NEK5: variants seen among roughly 807,000 people sequenced by gnomAD.
NEK5 encodes the protein NIMA related kinase 5.
Under a neutral mutation model 109.2 loss-of-function variants are expected in NEK5, and 88 were observed. That is an observed-to-expected ratio of 0.81 (90% CI 0.68 to 0.96). NEK5 has a LOEUF of 0.96. Among genes scored for constraint, NEK5 ranks in the 40% least tolerant of loss-of-function variants. NEK5 has a pLI of 0.00. For synonymous variants in NEK5, 283 were observed against 299.9 expected (o/e 0.94, Z 0.58); for missense variants, 834 against 920.7 (o/e 0.91, Z 1.22).
In NEK5 at chr13:52,087,430, G is replaced by T. The variant is rs1249480007; in HGVS notation, c.1300C>A (p.Pro434Thr). 6.8e-6 allele frequency: 11 copies of T among 1,605,956 alleles called. No individual in the cohort carries two copies. The highest frequency in any genetic ancestry group is 8.5e-6 in the Non-Finnish European group (10 of 1,173,824). ...QLGLRPSSAE[P>T]NYNQRQELRS... Reference sequence around the variant, plus strand: ...AGCTCTTGTCTCTGGTTGTAATTTGGCTCGGCAGAAGATGGACGAAGACCC... The same window carrying T: ...AGCTCTTGTCTCTGGTTGTAATTTGTCTCGGCAGAAGATGGACGAAGACCC... Residue 434 changes from proline to threonine, a missense_variant, in exon 15 of 24, where the codon CCA becomes ACA. Physicochemically the swap from Pro to Thr is conservative, Grantham distance 38. This residue lies in a region of NEK5 where 777 missense variants were observed against 824.7 expected (regional missense o/e 0.94). Transcript: ENST00000684899.
chr13:52,089,093 A>AAACAACTACAAC (rs1955217862), intron 14 of NEK5, among the ~76,000 whole-genome samples, 154 bp downstream of exon 14: 1 of 150,918 alleles, frequency 6.6e-6, no homozygotes, highest in Non-Finnish European at 1.5e-5. Flanking sequence ...CTGTCTCAGA[A>AAACAACTACAAC]AACAACAACA....
intron 3 of NEK5, among the ~76,000 whole-genome samples, chr13:52,121,389 G>C (rs1955966999): frequency 6.6e-6 from 1 of 151,928 alleles, no homozygotes; most frequent in Non-Finnish European, 1.5e-5. Flanking sequence ...CGAACTCCTG[G>C]CCTCAAGTGA....
At chr13:52,094,648 G>T in intron 12 of NEK5, among the ~76,000 whole-genome samples, 1 of 152,258 alleles carries the variant, frequency 6.6e-6, no homozygotes, top group South Asian at 2.1e-4. Context: ...TTAGCTGGGC[G>T]TGATGGCGGG....
At chr13:52,061,768 T>G (rs1954616176) in intron 22 of NEK5, 51 bp downstream of exon 22, 3 of 855,214 alleles carry the variant, frequency 3.5e-6, no homozygotes, top group Admixed American at 1.2e-4. Flanking sequence ...TTGCAAGTCT[T>G]GACAAAATTC....
intron 17 of NEK5, among the ~76,000 whole-genome samples, chr13:52,079,895 A>AGC (rs1202009053): frequency 6.8e-6 from 1 of 146,648 alleles, no homozygotes; most frequent in East Asian, 2.0e-4. Flanking sequence ...AGATGTGGGG[A>AGC]GCGCCTTTGC....
intron 21 of NEK5, among the ~76,000 whole-genome samples, chr13:52,063,094 C>G (rs1055533003): frequency 6.6e-6 from 1 of 152,040 alleles, no homozygotes; most frequent in Non-Finnish European, 1.5e-5. Context: ...CCCTCTCCCT[C>G]TCTTTCCACG....
At chr13:52,113,230 TAAAGA>T (rs1281308569) in intron 4 of NEK5, among the ~76,000 whole-genome samples, 1 of 152,092 alleles carries the variant, frequency 6.6e-6, no homozygotes, top group Non-Finnish European at 1.5e-5. Flanking sequence ...TGCTCCACAT[TAAAGA>T]AAAGAGACTA....
intron 22 of NEK5, among the ~76,000 whole-genome samples, chr13:52,054,435 C>A (rs1258046079): frequency 6.6e-6 from 1 of 152,242 alleles, no homozygotes; most frequent in Non-Finnish European, 1.5e-5. Flanking sequence ...ATCCTCCTGC[C>A]TCAGCCTCCC....
intron 4 of NEK5, among the ~76,000 whole-genome samples, chr13:52,118,819 GCACA>G (rs1022949722): frequency 3.3e-5 from 5 of 151,896 alleles, no homozygotes; most frequent in African/African-American, 1.2e-4. Flanking sequence ...GTACCCCCCA[GCACA>G]CACACACAAA....
intron 1 of NEK5, among the ~76,000 whole-genome samples, chr13:52,127,883 T>G (rs1956098648): frequency 2.0e-5 from 3 of 152,224 alleles, no homozygotes; most frequent in Admixed American, 6.5e-5. Flanking sequence ...CTTAGGCTTG[T>G]GCACTTTTAT....
At chr13:52,076,177 T>C (rs1444720156) in intron 17 of NEK5, 34 bp from the exon 18 acceptor site, 2 of 1,204,664 alleles carry the variant, frequency 1.7e-6, no homozygotes, top group East Asian at 2.4e-5. Context: ...ATTCTCTCAC[T>C]GTATGTTTAC....
chr13:52,041,771 A>G (rs1292182521), intron 23 of NEK5, among the ~76,000 whole-genome samples: 1 of 151,058 alleles, frequency 6.6e-6, no homozygotes, highest in Non-Finnish European at 1.5e-5. Context: ...GGAAAGGAAC[A>G]AAGAAGAGAA....
At chr13:52,076,195 G>A in intron 17 of NEK5, 52 bp from the exon 18 acceptor site, 1 of 951,504 alleles carries the variant, frequency 1.1e-6, no homozygotes, top group Non-Finnish European at 1.6e-6. Context: ...TACATGAGTT[G>A]ATTTCTGCGT....
rs1411723836 is a variant in NEK5 at position 52,083,285 on chromosome 13, G to A, written c.1547C>T (p.Ala516Val). The change falls in exon 17 of 24, where the codon GCA becomes GTA. Residue 516 changes from alanine to valine, a missense_variant. Physicochemically the swap from Ala to Val is moderately conservative, Grantham distance 64. Coordinates refer to ENST00000684899, the MANE Select transcript of NEK5 (RefSeq NM_001365552.1). The part of the protein sequence containing the change: ...KKSNLPVHQD[A>V]SEGEAPVQDI... ...CTGCACAGGTGCTTCTCCCTCAGAT[G>A]CATCTTGATGGACAGGCAGGTTACT... 10 of 1,612,270 alleles carry A rather than the reference G, an allele frequency of 6.2e-6. No individual in the cohort carries two copies. Among genetic ancestry groups the A allele is most frequent in the South Asian group, 2.2e-5 (2 of 91,052 alleles).
At position 52,119,155 on chromosome 13, in the gene NEK5, A is replaced by G. The variant is rs571179102; in HGVS notation, c.214+164T>C. On this transcript the variant is annotated intron_variant, in intron 4 of 23. Transcript: ENST00000684899. ...AGAAAGCCGTCTACAAAAACTTACT[A>G]GAGAGGAAATAACGAGGACGTCTCA... Among the ~76,000 whole-genome samples the G allele has an allele frequency of 2.0e-5, 3 of 152,326 alleles. No individual in the cohort carries two copies. In the East Asian group the frequency reaches 5.8e-4, roughly 29 times the overall value.
chr13:52,034,211 AAC>A lies in NEK5; in HGVS notation c.*2735_*2736del, dbSNP rs1954336290. The A allele has an allele frequency of 6.6e-6, 1 of 152,228 alleles. No homozygotes were observed. The highest frequency in any genetic ancestry group is 2.1e-4 in the South Asian group (1 of 4,832). The allele number at this position is 152,228 out of a possible 1,614,324, so 9.4% of individuals were successfully genotyped here. A position where few individuals can be genotyped will look rare whatever the true frequency, so the allele number is the denominator to read the frequency against. On this transcript the variant is annotated 3_prime_UTR_variant, in exon 24 of 24. Transcript: ENST00000684899. ...ATTTTTAATGCATACAGGTCTGGTG[AAC>A]AGTTTCAATTTAACGGATGAGGCCA...
In NEK5 at chr13:52,083,350, C is replaced by A. The variant is rs1955054026; in HGVS notation, c.1482G>T (p.Glu494Asp). ...IRKKMGREPE[E>D]NSKISHKTYL... ...AGGTTTTATGACTTATTTTTGAGTT[C>A]TCCTTTAACACAAATTATACACAGT... The change falls in exon 17 of 24, where the codon GAG (glutamate) becomes GAT (aspartate). Residue 494 changes from glutamate (E) to aspartate (D), a missense_variant and splice_region_variant. Glu to Asp is a conservative substitution (Grantham distance 45). This residue lies in a region of NEK5 where 777 missense variants were observed against 824.7 expected (regional missense o/e 0.94). Coordinates refer to ENST00000684899, the MANE Select transcript of NEK5 (RefSeq NM_001365552.1). The A allele has an allele frequency of 2.5e-6, 4 of 1,595,704 alleles. No homozygotes were observed. The highest frequency in any genetic ancestry group is 1.3e-5 in the African/African-American group (1 of 74,646).
chr13:52,094,652 T>C (rs766760810), intron 12 of NEK5, among the ~76,000 whole-genome samples: 5 of 152,134 alleles, frequency 3.3e-5, no homozygotes, highest in African/African-American at 1.2e-4. Flanking sequence ...CTGGGCGTGA[T>C]GGCGGGTGCC....
chr13:52,091,849 A>G (rs779148143), intron 13 of NEK5, among the ~76,000 whole-genome samples: 13 of 152,218 alleles, frequency 8.5e-5, no homozygotes, highest in Non-Finnish European at 1.6e-4. Flanking sequence ...CAATTTAAGA[A>G]TACTATTTTC....
Sources: allele counts gnomAD v4.1 joint callset (sites outside exome capture counted in the v4.1 genomes callset), GRCh38; gene constraint gnomAD v4.1.1; regional missense constraint gnomAD v4.1.1; transcripts MANE v1.5; gene names NCBI Gene and HGNC (gene_info 2026-07-23, HGNC 2026-07-21).